ATG5: variants seen among roughly 807,000 people sequenced by gnomAD.
ATG5 encodes the protein autophagy related 5.
ATG5 carries 14 observed loss-of-function variants against 36.5 expected under a neutral mutation model. That is an observed-to-expected ratio of 0.38 (90% CI 0.25 to 0.60). The LOEUF is 0.60. ATG5 is among the 20% of genes least tolerant of loss of function. ATG5 has a pLI of 0.60. For synonymous variants in ATG5, 95 were observed against 101.5 expected (o/e 0.94, Z 0.38); for missense variants, 195 against 326.7 (o/e 0.60, Z 3.11).
At chr6:106,295,192 AAC>A (rs898633027) in intron 3 of ATG5, among the ~76,000 whole-genome samples, 30 of 152,188 alleles carry the variant, frequency 2.0e-4, no homozygotes, top group African/African-American at 7.2e-4. Flanking sequence ...ACTTTTACAA[AAC>A]AGACCTTTTA....
At chr6:106,294,308 A>G (rs557165679) in intron 3 of ATG5, among the ~76,000 whole-genome samples, 1 of 152,246 alleles carries the variant, frequency 6.6e-6, no homozygotes, top group South Asian at 2.1e-4. Flanking sequence ...TCTGACCAAG[A>G]TTCAAATATC....
chr6:106,210,087 C>A (rs551026324), intron 6 of ATG5, among the ~76,000 whole-genome samples: 2 of 152,306 alleles, frequency 1.3e-5, no homozygotes, highest in East Asian at 3.9e-4. Flanking sequence ...CCTACTCTAA[C>A]ACACTTGAAG....
chr6:106,295,574 T>G (rs895144732), intron 3 of ATG5, among the ~76,000 whole-genome samples: 2 of 151,944 alleles, frequency 1.3e-5, no homozygotes, highest in African/African-American at 2.4e-5. Flanking sequence ...ATTTTTTTTT[T>G]TTTTTTTGAG....
At chr6:106,323,491 G>A (rs1771176495) in intron 1 of ATG5, among the ~76,000 whole-genome samples, 1 of 151,430 alleles carries the variant, frequency 6.6e-6, no homozygotes, top group South Asian at 2.1e-4. Context: ...CCCAGGCTGG[G>A]GATTCTCTCA....
intron 5 of ATG5, among the ~76,000 whole-genome samples, chr6:106,260,916 T>TGGG (rs1181398391): frequency 2.0e-5 from 3 of 152,148 alleles, no homozygotes; most frequent in Non-Finnish European, 4.4e-5. Context: ...GGGTCAGGTG[T>TGGG]GGGGGCTTGA....
At chr6:106,190,050 T>C (rs1431785227) in intron 7 of ATG5, among the ~76,000 whole-genome samples, 2 of 152,184 alleles carry the variant, frequency 1.3e-5, no homozygotes, top group Non-Finnish European at 2.9e-5. Flanking sequence ...TAAAAAATAC[T>C]GATATACCAT....
intron 6 of ATG5, among the ~76,000 whole-genome samples, chr6:106,238,673 C>T (rs1343495714): frequency 6.6e-6 from 1 of 152,076 alleles, no homozygotes; most frequent in African/African-American, 2.4e-5. Flanking sequence ...AGAGAGAAGA[C>T]CAGGGAACAA....
chr6:106,273,799 A>G (rs901145949), intron 5 of ATG5, among the ~76,000 whole-genome samples: 5 of 152,206 alleles, frequency 3.3e-5, no homozygotes, highest in Admixed American at 2.6e-4. Context: ...CCACCAGTCT[A>G]TATCACACAA....
chr6:106,261,013 T>C (rs371900472), intron 5 of ATG5, among the ~76,000 whole-genome samples: 1 of 152,192 alleles, frequency 6.6e-6, no homozygotes, highest in African/African-American at 2.4e-5. Context: ...CATTAACTAC[T>C]GATTGTTGAG....
intron 6 of ATG5, among the ~76,000 whole-genome samples, chr6:106,232,828 G>A (rs180711356): frequency 1.2e-4 from 19 of 152,260 alleles, no homozygotes; most frequent in African/African-American, 4.6e-4. Flanking sequence ...AAGCAGAGTG[G>A]TTTACAGACC....
intron 3 of ATG5, among the ~76,000 whole-genome samples, chr6:106,307,588 G>T (rs1482551378): frequency 7.1e-6 from 1 of 141,304 alleles, no homozygotes; most frequent in Non-Finnish European, 1.5e-5. Flanking sequence ...TGCCCAGGCT[G>T]GAGTGGAATG....
intron 3 of ATG5, among the ~76,000 whole-genome samples, chr6:106,298,936 T>C (rs75575051): frequency 0.014 from 2,144 of 152,310 alleles, 48 homozygotes; most frequent in African/African-American, 0.049. Context: ...AAGTACTAAT[T>C]TGTACAAGTC....
chr6:106,187,752 G>A (rs1021608197), intron 7 of ATG5, among the ~76,000 whole-genome samples: 1 of 152,176 alleles, frequency 6.6e-6, no homozygotes, highest in Non-Finnish European at 1.5e-5. Flanking sequence ...AGCTGATGAT[G>A]TATGGTGATA....
At chr6:106,196,845 C>T (rs62422862) in intron 7 of ATG5, among the ~76,000 whole-genome samples, 22,767 of 151,992 alleles carry the variant, frequency 0.15, 2,027 homozygotes, top group Non-Finnish European at 0.19. Context: ...CACCCACAAA[C>T]TAGAAATTGG....
chr6:106,216,266 GAA>G (rs1364172084), intron 6 of ATG5, among the ~76,000 whole-genome samples: 1 of 152,042 alleles, frequency 6.6e-6, no homozygotes, highest in Non-Finnish European at 1.5e-5. Flanking sequence ...CAAGAGAAAT[GAA>G]AATATATGTT....
intron 5 of ATG5, among the ~76,000 whole-genome samples, chr6:106,278,711 T>G (rs1441256629): frequency 6.6e-6 from 1 of 152,222 alleles, no homozygotes; most frequent in Non-Finnish European, 1.5e-5. Flanking sequence ...GCCAATTCCC[T>G]TTTTTCAATT....
chr6:106,294,409 T>C (rs1582664960), intron 3 of ATG5, among the ~76,000 whole-genome samples: 1 of 151,782 alleles, frequency 6.6e-6, no homozygotes, highest in South Asian at 2.1e-4. Flanking sequence ...TGCTTATATA[T>C]ATAAACATAG....
intron 4 of ATG5, among the ~76,000 whole-genome samples, chr6:106,288,878 T>C (rs1033647443): frequency 2.8e-4 from 42 of 152,200 alleles, no homozygotes; most frequent in African/African-American, 1.0e-3. Flanking sequence ...ATATGTCTGT[T>C]TGAAAACTGT....
intron 5 of ATG5, among the ~76,000 whole-genome samples, chr6:106,276,086 C>G (rs1166293009): frequency 6.6e-6 from 1 of 152,246 alleles, no homozygotes; most frequent in Non-Finnish European, 1.5e-5. Context: ...CTTTCAAATA[C>G]TTTCACACAA....
Sources: allele counts gnomAD v4.1 joint callset (sites outside exome capture counted in the v4.1 genomes callset), GRCh38; gene constraint gnomAD v4.1.1; transcripts MANE v1.5; gene names NCBI Gene and HGNC (gene_info 2026-07-23, HGNC 2026-07-21).